Variants in MTNR1A observed in about 807,000 individuals in gnomAD.
MTNR1A encodes melatonin receptor type 1A.
In MTNR1A, 7 loss-of-function variants were observed where a neutral mutation model predicts 5.5. The ratio of observed to expected loss-of-function variants is 1.28; its 90% CI spans 0.73 to 2.40. The LOEUF (loss-of-function observed/expected upper bound fraction) is 2.40. MTNR1A is among the 30% of genes most tolerant of loss of function. The pLI, the probability that MTNR1A is intolerant of heterozygous loss-of-function variation, is 0.00. For synonymous variants in MTNR1A, 196 were observed against 202.7 expected, an observed-to-expected ratio of 0.97 and a Z score of 0.28; for missense variants, 441 against 464.4, an observed-to-expected ratio of 0.95 and a Z score of 0.46.
At chr4:186,536,275 G>A (rs542221885) in intron 1 of MTNR1A, among the ~76,000 whole-genome samples, 4 of 152,094 alleles carry the variant, frequency 2.6e-5, no homozygotes, top group African/African-American at 9.6e-5. Context: ...GAACCTGGGA[G>A]GCAGAGGTTG....
chr4:186,541,903 A>T (rs1737033636), intron 1 of MTNR1A, among the ~76,000 whole-genome samples: 1 of 152,192 alleles, frequency 6.6e-6, no homozygotes, highest in Non-Finnish European at 1.5e-5. Flanking sequence ...AAAACCGGTT[A>T]TGGGGCTCTG....
intron 1 of MTNR1A, among the ~76,000 whole-genome samples, chr4:186,548,895 C>T (rs1211964340): frequency 7.4e-6 from 1 of 134,936 alleles, no homozygotes; most frequent in Admixed American, 7.8e-5. Context: ...TGGTAAAAGA[C>T]TATATGATAC....
chr4:186,534,431 C>A lies in MTNR1A; in HGVS notation c.311G>T (p.Gly104Val), dbSNP rs1472488842. Residue 104 changes from glycine (G) to valine (V), a missense_variant, in exon 2 of 2, where the codon GGG becomes GTG. Gly to Val is a moderately radical substitution (Grantham distance 109, BLOSUM62 -3). Transcript: ENST00000307161. ...NLGYLHCQVS[G>V]FLMGLSVIGS... Reference sequence around the variant, plus strand: ...GATGACGCTCAGGCCCATCAGGAACCCACTGACTTGGCAGTGCAGATAGCC... The same window carrying A: ...GATGACGCTCAGGCCCATCAGGAACACACTGACTTGGCAGTGCAGATAGCC... The A allele has an allele frequency of 1.2e-6, 2 of 1,613,988 alleles. No homozygotes were observed. The highest frequency in any genetic ancestry group is 1.3e-5 in the African/African-American group (1 of 74,876).
chr4:186,551,201 A>G (rs963608985), intron 1 of MTNR1A, among the ~76,000 whole-genome samples: 1 of 152,198 alleles, frequency 6.6e-6, no homozygotes, highest in African/African-American at 2.4e-5. Flanking sequence ...TCTAGAGCTG[A>G]TTCACTTAAA....
chr4:186,549,344 C>T (rs1359347790), intron 1 of MTNR1A, among the ~76,000 whole-genome samples: 1 of 152,184 alleles, frequency 6.6e-6, no homozygotes, highest in Non-Finnish European at 1.5e-5. Flanking sequence ...AGTTAGCAGG[C>T]TAGTTCTCCA....
intron 1 of MTNR1A, among the ~76,000 whole-genome samples, chr4:186,534,992 A>C (rs1012372339): frequency 2.0e-5 from 3 of 152,120 alleles, no homozygotes; most frequent in Admixed American, 1.3e-4. Flanking sequence ...GGGGGCCTCT[A>C]GCTTCTGTTC....
At chr4:186,539,083 G>T (rs1013489285) in intron 1 of MTNR1A, among the ~76,000 whole-genome samples, 4 of 151,898 alleles carry the variant, frequency 2.6e-5, no homozygotes, top group African/African-American at 9.7e-5. Context: ...TGGGCGTGGT[G>T]GTGCGCACCT....
chr4:186,543,364 G>C lies in MTNR1A; in HGVS notation c.185-8807C>G, dbSNP rs978082991. 2.0e-5 allele frequency among the ~76,000 whole-genome samples: 3 copies of C among 152,330 alleles called. No homozygotes were observed. In the East Asian group the frequency reaches 5.8e-4, roughly 29 times the overall value. On this transcript the variant is annotated intron_variant, in intron 1 of 1. Transcript: ENST00000307161. ...TAACCCAATACAGGCAGGAATGCCA[G>C]TGTCCCAGAGTGTTAGGAATGAAGG...
At chr4:186,548,189 G>C (rs1372013660) in intron 1 of MTNR1A, among the ~76,000 whole-genome samples, 1 of 152,050 alleles carries the variant, frequency 6.6e-6, no homozygotes, top group Non-Finnish European at 1.5e-5. Context: ...GAAGGACTCA[G>C]TGAAAACCCC....
At chr4:186,549,865 T>C (rs781196981) in intron 1 of MTNR1A, among the ~76,000 whole-genome samples, 3 of 152,186 alleles carry the variant, frequency 2.0e-5, no homozygotes, top group Non-Finnish European at 4.4e-5. Flanking sequence ...CAGGTAAATG[T>C]TCAGCTCAAT....
intron 1 of MTNR1A, among the ~76,000 whole-genome samples, chr4:186,549,697 A>C (rs143983896): frequency 1.2e-4 from 19 of 152,276 alleles, no homozygotes; most frequent in Middle Eastern, 6.8e-3. Context: ...AGAAGAACAC[A>C]CATTTCTAAA....
intron 1 of MTNR1A, among the ~76,000 whole-genome samples, chr4:186,541,143 A>T (rs1376884954): frequency 1.3e-5 from 2 of 152,158 alleles, no homozygotes; most frequent in Non-Finnish European, 2.9e-5. Context: ...AAAGAAAAAA[A>T]CCTTCTTGCC....
Position 186,537,765 on chromosome 4 carries a change from T to A in MTNR1A, c.185-3208A>T, listed in dbSNP as rs373552347. Among the ~76,000 whole-genome samples, 22 of 152,390 alleles carry A rather than the reference T, an allele frequency of 1.4e-4. No homozygotes were observed. The South Asian group carries it at 4.6e-3, about 32-fold the overall frequency. On this transcript the variant is annotated intron_variant, in intron 1 of 1. Coordinates refer to ENST00000307161, the MANE Select transcript of MTNR1A (RefSeq NM_005958.4). Reference sequence around the variant, plus strand: ...GAGAAAGCTCCTGTGCTCCTACAGATACGAGACTCAGAAACTGGGCCCTGT... The same window carrying A: ...GAGAAAGCTCCTGTGCTCCTACAGAAACGAGACTCAGAAACTGGGCCCTGT...
At chr4:186,547,307 C>T (rs1374928583) in intron 1 of MTNR1A, among the ~76,000 whole-genome samples, 3 of 138,132 alleles carry the variant, frequency 2.2e-5, no homozygotes, top group African/African-American at 5.8e-5. Flanking sequence ...TGGGACACAC[C>T]GTCCACACCA....
rs1377394116 is a variant in MTNR1A, at chr4:186,534,173, G to A, written c.569C>T (p.Ala190Val). ...GACGAGGAAGTGGAAAACCACCACG[G>A]CGATGGTGTAGGCGGAGCTGACGGA... is the stretch of plus-strand genomic sequence containing the variant. ...AQSVSSAYTI[A>V]VVVFHFLVPM... Residue 190 changes from alanine to valine, a missense_variant, in exon 2 of 2, where the codon GCC becomes GTC. Transcript: ENST00000307161. 1.2e-6 allele frequency: 2 copies of A among 1,613,490 alleles called. No homozygotes were observed. The highest frequency in any genetic ancestry group is 2.2e-5 in the South Asian group (2 of 91,080).
chr4:186,536,540 G>T (rs1254157180), intron 1 of MTNR1A, among the ~76,000 whole-genome samples: 1 of 152,020 alleles, frequency 6.6e-6, no homozygotes, highest in East Asian at 1.9e-4. Context: ...TCTCCAGATG[G>T]TGGCCCTCGT....
intron 1 of MTNR1A, among the ~76,000 whole-genome samples, chr4:186,542,217 A>G (rs536924463): frequency 2.6e-5 from 4 of 152,208 alleles, no homozygotes; most frequent in Non-Finnish European, 4.4e-5. Context: ...CGCTGCTGGT[A>G]GGTGGATTAC....
In MTNR1A at chr4:186,551,572, C is replaced by T. The variant is rs1004193856; in HGVS notation, c.184+3610G>A. Among the ~76,000 whole-genome samples the T allele has an allele frequency of 5.3e-5, 8 of 152,018 alleles. No individual in the cohort carries two copies. In the South Asian group the frequency reaches 8.3e-4, roughly 16 times the overall value. On this transcript the variant is annotated intron_variant, in intron 1 of 1. Coordinates refer to ENST00000307161, the MANE Select transcript of MTNR1A (RefSeq NM_005958.4). ...ATGGATGGATAGATGGATGGATGGA[C>T]GGACGATGGGTGGCTGGATGGATGA...
chr4:186,539,518 G>A (rs1364613797), intron 1 of MTNR1A, among the ~76,000 whole-genome samples: 1 of 152,182 alleles, frequency 6.6e-6, no homozygotes, highest in Non-Finnish European at 1.5e-5. Context: ...GTATTGAGAG[G>A]TGGGGCCTTT....
Sources: allele counts gnomAD v4.1 joint callset (sites outside exome capture counted in the v4.1 genomes callset), GRCh38; gene constraint gnomAD v4.1.1; transcripts MANE v1.5; gene names NCBI Gene and HGNC (gene_info 2026-07-23, HGNC 2026-07-21).